The following ATP10A variants were observed in gnomAD, a reference collection of about 807,000 sequenced individuals.
ATP10A encodes the protein phospholipid-transporting ATPase VA.
A neutral mutation model predicts 147.8 loss-of-function variants in ATP10A; 111 were observed. That is an observed-to-expected ratio of 0.75 (90% CI 0.64 to 0.88). The LOEUF is 0.88. Ranked by LOEUF, ATP10A falls within the 40% of genes least tolerant of loss-of-function variation. The pLI is 0.00. For synonymous variants in ATP10A, 875 were observed against 841.6 expected (o/e 1.04, Z -0.69); for missense variants, 1,927 against 1,959.0 (o/e 0.98, Z 0.31).
intron 7 of ATP10A, among the ~76,000 whole-genome samples, chr15:25,719,480 G>A (rs762971382): frequency 1.3e-4 from 20 of 152,166 alleles, no homozygotes; most frequent in Non-Finnish European, 1.5e-4. Context: ...AAGCAAGGAC[G>A]CACAGAACCT....
intron 5 of ATP10A, 134 bp from the exon 6 acceptor site, chr15:25,724,155 T>A: frequency 1.0e-6 from 1 of 1,000,636 alleles, no homozygotes; most frequent in Non-Finnish European, 1.4e-6. Context: ...AGCTTTGCCA[T>A]GTCAGAAAGC....
At chr15:25,680,710 C>A in intron 19 of ATP10A, 100 bp downstream of exon 19, 1 of 1,096,946 alleles carries the variant, frequency 9.1e-7, no homozygotes, top group South Asian at 1.3e-5. Context: ...AGTCTCCTGT[C>A]TACTCAAAAC....
intron 2 of ATP10A, among the ~76,000 whole-genome samples, chr15:25,770,145 C>G (rs922952617): frequency 6.6e-6 from 1 of 151,042 alleles, no homozygotes; most frequent in Admixed American, 6.6e-5. Context: ...ATTTAAAACA[C>G]GACCCGGGCG....
intron 1 of ATP10A, among the ~76,000 whole-genome samples, chr15:25,791,008 G>C (rs760730856): frequency 6.6e-6 from 1 of 151,538 alleles, no homozygotes; most frequent in Non-Finnish European, 1.5e-5. Context: ...ACACTCCTCC[G>C]TCAGTATCTA....
intron 2 of ATP10A, among the ~76,000 whole-genome samples, chr15:25,770,547 G>C (rs1051041079): frequency 2.6e-5 from 4 of 152,204 alleles, no homozygotes; most frequent in African/African-American, 9.7e-5. Context: ...GTGTCAGATG[G>C]CACTGTTACC....
In ATP10A at chr15:25,679,381, T is replaced by C. The variant is rs1338178829; in HGVS notation, c.4460A>G (p.His1487Arg). The change falls in exon 21 of 21, where the codon CAC (histidine) becomes CGC (arginine). Residue 1487 changes from histidine to arginine, a missense_variant. Transcript: ENST00000555815. ...SGRSGLQGPD[H>R]RLLIGASSRR... ...TGAAGATGCTCCTATAAGTAGTCTG[T>C]GGTCTGGCCCTTGAAGTCCTGATCG... 6.2e-7 allele frequency: 1 copy of C among 1,600,928 alleles called. No individual in the cohort carries two copies. Among genetic ancestry groups the C allele is most frequent in the Non-Finnish European group, 8.6e-7 (1 of 1,169,426 alleles).
chr15:25,745,462 C>T (rs905909245), intron 2 of ATP10A, among the ~76,000 whole-genome samples: 10 of 152,132 alleles, frequency 6.6e-5, no homozygotes, highest in Admixed American at 4.6e-4. Flanking sequence ...TGGCTCATGC[C>T]TGTAATCCAA....
chr15:25,721,236 G>C (rs1029111032), intron 7 of ATP10A, among the ~76,000 whole-genome samples: 1 of 152,226 alleles, frequency 6.6e-6, no homozygotes, highest in Admixed American at 6.5e-5. Context: ...TTCCAGGGAA[G>C]AGAACGAAAC....
chr15:25,746,569 T>TACTG (rs1887854248), intron 2 of ATP10A, among the ~76,000 whole-genome samples: 1 of 152,184 alleles, frequency 6.6e-6, no homozygotes, highest in African/African-American at 2.4e-5. Context: ...CACTGACAAG[T>TACTG]ACTGACCATA....
intron 2 of ATP10A, among the ~76,000 whole-genome samples, chr15:25,759,234 T>C (rs538295751): frequency 1.5e-4 from 23 of 152,274 alleles, no homozygotes; most frequent in African/African-American, 5.3e-4. Flanking sequence ...AAACTTTATA[T>C]ATAACAATAT....
intron 1 of ATP10A, among the ~76,000 whole-genome samples, chr15:25,845,848 C>T (rs78904469): frequency 0.019 from 2,970 of 152,326 alleles, 49 homozygotes; most frequent in African/African-American, 0.048. Flanking sequence ...CAAACAGACA[C>T]TGGTACCCCC....
At chr15:25,715,661 C>G (rs1358719740) in intron 9 of ATP10A, among the ~76,000 whole-genome samples, 1 of 152,270 alleles carries the variant, frequency 6.6e-6, no homozygotes, top group Non-Finnish European at 1.5e-5. Flanking sequence ...GGCTGCCGGC[C>G]TAAGCCTCAA....
intron 12 of ATP10A, among the ~76,000 whole-genome samples, chr15:25,705,917 C>T (rs1596720587): frequency 6.6e-6 from 1 of 152,198 alleles, no homozygotes; most frequent in African/African-American, 2.4e-5. Context: ...CCCAGGAGTT[C>T]CATCGCTGAC....
intron 7 of ATP10A, among the ~76,000 whole-genome samples, chr15:25,719,507 C>A (rs1044581285): frequency 7.9e-5 from 12 of 152,190 alleles, no homozygotes; most frequent in African/African-American, 2.2e-4. Flanking sequence ...ATGACTCTGT[C>A]CAGCATGAGG....
chr15:25,779,124 G>A (rs557975268), intron 2 of ATP10A, among the ~76,000 whole-genome samples: 1 of 152,232 alleles, frequency 6.6e-6, no homozygotes, highest in East Asian at 1.9e-4. Context: ...TGATCCACCC[G>A]CCTCGGCCTC....
chr15:25,716,906 C>A lies in ATP10A; in HGVS notation c.1600G>T (p.Asp534Tyr), dbSNP rs772948921. 6.9e-6 allele frequency: 11 copies of A among 1,588,348 alleles called. No homozygotes were observed. Among genetic ancestry groups the A allele is most frequent in the Non-Finnish European group, 9.4e-6 (11 of 1,165,616 alleles). The change falls in exon 9 of 21, where the codon GAC becomes TAC. Residue 534 changes from aspartate to tyrosine, a missense_variant. Physicochemically the swap from Asp to Tyr is radical, Grantham distance 160. Transcript: ENST00000555815. ...CTCACCTTCTCCAGCAGCTTTGGGT[C>A]GGGCGTGATATCCTTCTCCTGGGAG... ...SSPMEKDITP[D>Y]PKLLEKVSEC...
intron 2 of ATP10A, among the ~76,000 whole-genome samples, chr15:25,750,583 T>C (rs1372529857): frequency 6.6e-6 from 1 of 152,156 alleles, no homozygotes; most frequent in Non-Finnish European, 1.5e-5. Context: ...CCTTAAGCTC[T>C]AGGTGATTTT....
chr15:25,800,235 G>A (rs968537982), intron 1 of ATP10A, among the ~76,000 whole-genome samples: 6 of 152,130 alleles, frequency 3.9e-5, no homozygotes, highest in East Asian at 1.9e-4. Flanking sequence ...AGACAGAATC[G>A]GCATTGCTGA....
At chr15:25,853,123 C>A (rs1033700673) in intron 1 of ATP10A, among the ~76,000 whole-genome samples, 6 of 152,132 alleles carry the variant, frequency 3.9e-5, no homozygotes, top group Non-Finnish European at 5.9e-5. Flanking sequence ...GAAAAATAAC[C>A]ACAAGGTATG....
Sources: gnomAD v4.1 joint callset for allele counts (sites outside exome capture counted in the v4.1 genomes callset) on GRCh38, gnomAD v4.1.1 for gene constraint, MANE v1.5 for transcripts, NCBI Gene and HGNC (gene_info 2026-07-23, HGNC 2026-07-21) for gene names.